Variants in ARHGAP26 observed in about 807,000 individuals in gnomAD.
ARHGAP26 encodes rho GTPase-activating protein 26.
A neutral mutation model predicts 104.8 loss-of-function variants in ARHGAP26; 38 were observed. The ratio of observed to expected loss-of-function variants is 0.36; its 90% CI spans 0.28 to 0.48. The LOEUF (loss-of-function observed/expected upper bound fraction) is 0.48, where lower values mean the gene tolerates loss of function less well. ARHGAP26 is among the 20% of genes least tolerant of loss of function. ARHGAP26 has a pLI of 0.99. For missense variants in ARHGAP26, 704 were observed against 947.9 expected, an observed-to-expected ratio of 0.74 and a Z score of 3.38; for synonymous variants, 341 against 340.0, an observed-to-expected ratio of 1.00 and a Z score of -0.03.
At chr5:142,796,739 C>G (rs770539128) in intron 1 of ARHGAP26, among the ~76,000 whole-genome samples, 3 of 152,254 alleles carry the variant, frequency 2.0e-5, no homozygotes, top group Admixed American at 6.5e-5. Flanking sequence ...CTCTCTGCTC[C>G]AGTCCTGAAT....
chr5:143,086,780 G>T (rs376886869), intron 17 of ARHGAP26, among the ~76,000 whole-genome samples: 1 of 152,066 alleles, frequency 6.6e-6, no homozygotes, highest in Non-Finnish European at 1.5e-5. Context: ...CTTCCCTCTC[G>T]CTCAGGGGTC....
chr5:142,846,513 C>T (rs913627293), intron 1 of ARHGAP26, among the ~76,000 whole-genome samples: 3 of 152,146 alleles, frequency 2.0e-5, no homozygotes, highest in African/African-American at 7.2e-5. Context: ...TGGGATTTCC[C>T]TTCAGTGGGG....
chr5:142,994,163 A>G (rs1598533369), intron 11 of ARHGAP26, among the ~76,000 whole-genome samples: 1 of 152,252 alleles, frequency 6.6e-6, no homozygotes, highest in African/African-American at 2.4e-5. Context: ...GAAATAGAAC[A>G]GATGATTTTA....
chr5:143,111,941 C>G (rs906841288), intron 17 of ARHGAP26, among the ~76,000 whole-genome samples: 1 of 152,116 alleles, frequency 6.6e-6, no homozygotes, highest in African/African-American at 2.4e-5. Context: ...ACCCAGGTAC[C>G]TAGTGCAGCT....
At chr5:143,156,040 C>T (rs194490) in intron 20 of ARHGAP26, among the ~76,000 whole-genome samples, 31,873 of 152,116 alleles carry the variant, frequency 0.21, 3,974 homozygotes, top group East Asian at 0.39. Context: ...CTTAAGATTT[C>T]GCATGGCTTT....
At chr5:143,057,550 A>G in intron 16 of ARHGAP26, 92 bp from the exon 17 acceptor site, 3 of 961,520 alleles carry the variant, frequency 3.1e-6, no homozygotes, top group Non-Finnish European at 3.3e-6. Flanking sequence ...TTGGGCTGTT[A>G]GTGCTCATCC....
chr5:142,919,570 A>G (rs1182154347), intron 10 of ARHGAP26: 3 of 397,178 alleles, frequency 7.6e-6, no homozygotes, highest in Admixed American at 4.4e-5. Flanking sequence ...CTCAACACCT[A>G]CTGCTTGAAC....
intron 1 of ARHGAP26, among the ~76,000 whole-genome samples, chr5:142,823,619 A>G (rs865806529): frequency 6.6e-6 from 1 of 152,226 alleles, no homozygotes; most frequent in Non-Finnish European, 1.5e-5. Flanking sequence ...TAAGAAAAAA[A>G]AAATCCTGTT....
Position 142,965,487 on chromosome 5 carries a change from C to T in ARHGAP26, c.1107+33362C>T, listed in dbSNP as rs371206707. Among the ~76,000 whole-genome samples, 92 of 152,326 alleles carry T rather than the reference C, an allele frequency of 6.0e-4. 1 individual carries two copies. The East Asian group carries it at 0.016, about 26-fold the overall frequency. ...CAAGGAGCCCTCTGGTGGCCCTGTC[C>T]GGGCATAACAGAAGGCTCACACTCT... On this transcript the variant is annotated intron_variant, in intron 11 of 22. Coordinates refer to ENST00000645722, the MANE Select transcript of ARHGAP26 (RefSeq NM_001135608.3).
chr5:142,810,609 C>T (rs1355495062), intron 1 of ARHGAP26, among the ~76,000 whole-genome samples: 1 of 152,112 alleles, frequency 6.6e-6, no homozygotes, highest in Non-Finnish European at 1.5e-5. Context: ...AGGCAAGTTG[C>T]AGGGATGGGG....
intron 17 of ARHGAP26, among the ~76,000 whole-genome samples, chr5:143,099,549 C>G (rs562652106): frequency 3.3e-5 from 5 of 152,338 alleles, no homozygotes; most frequent in African/African-American, 1.2e-4. Context: ...CTATCTCAGC[C>G]TGGCATCTGT....
intron 14 of ARHGAP26, among the ~76,000 whole-genome samples, chr5:143,046,202 G>T (rs557177311): frequency 3.7e-4 from 57 of 152,270 alleles, no homozygotes; most frequent in Admixed American, 1.2e-3. Flanking sequence ...TACTCAGGAG[G>T]CTGAGGCAGG....
chr5:143,029,392 GTTTTTTTTT>G (rs536919888), intron 12 of ARHGAP26, among the ~76,000 whole-genome samples: 2,267 of 80,762 alleles, frequency 0.028, 47 homozygotes, highest in African/African-American at 0.082. Context: ...TTACTTCTCA[GTTTTTTTTT>G]TTTTTTTTTT....
chr5:143,027,008 A>G (rs1472641173), intron 12 of ARHGAP26, among the ~76,000 whole-genome samples: 3 of 152,130 alleles, frequency 2.0e-5, no homozygotes, highest in Non-Finnish European at 4.4e-5. Flanking sequence ...GGTGTGAGAG[A>G]AAGCAAAGAT....
chr5:142,986,464 C>T (rs978270165), intron 11 of ARHGAP26, among the ~76,000 whole-genome samples: 6 of 152,168 alleles, frequency 3.9e-5, no homozygotes, highest in Non-Finnish European at 8.8e-5. Context: ...AGGTTGCCTG[C>T]TCACTCTTAT....
intron 11 of ARHGAP26, among the ~76,000 whole-genome samples, chr5:142,978,294 C>T (rs1028049954): frequency 2.6e-5 from 4 of 152,096 alleles, no homozygotes; most frequent in Admixed American, 6.5e-5. Context: ...TCCACTTCTT[C>T]GACTCTCTTT....
intron 11 of ARHGAP26, among the ~76,000 whole-genome samples, chr5:142,981,488 A>G (rs1239158216): frequency 4.6e-5 from 7 of 152,160 alleles, no homozygotes; most frequent in Admixed American, 3.3e-4. Context: ...TTCAGAAGTG[A>G]TAAGGCCATG....
intron 11 of ARHGAP26, among the ~76,000 whole-genome samples, chr5:142,997,210 A>G (rs1347274521): frequency 2.0e-5 from 3 of 152,222 alleles, no homozygotes; most frequent in East Asian, 3.9e-4. Context: ...ATATTTGTGA[A>G]TTCATCTACT....
intron 16 of ARHGAP26, among the ~76,000 whole-genome samples, chr5:143,056,555 T>G (rs1785846441): frequency 6.6e-6 from 1 of 152,100 alleles, no homozygotes; most frequent in Non-Finnish European, 1.5e-5. Context: ...CATTATGTCT[T>G]CCATTTACAG....
Sources: allele counts gnomAD v4.1 joint callset (sites outside exome capture counted in the v4.1 genomes callset), GRCh38; gene constraint gnomAD v4.1.1; transcripts MANE v1.5; gene names NCBI Gene and HGNC (gene_info 2026-07-23, HGNC 2026-07-21).